The following GGCX variants were observed in gnomAD, a reference collection of about 807,000 sequenced individuals.
The protein encoded by GGCX is vitamin K-dependent gamma-carboxylase.
GGCX carries 63 observed loss-of-function variants against 88.5 expected under a neutral mutation model. That is an observed-to-expected ratio of 0.71 (90% CI 0.58 to 0.88). GGCX has a LOEUF of 0.88. Among genes scored for constraint, GGCX ranks in the 40% least tolerant of loss-of-function variants. The probability of loss-of-function intolerance (pLI) is 0.00; values close to 1 mark genes in which losing one functional copy is unlikely to be tolerated. For missense variants in GGCX, 805 were observed against 932.9 expected (o/e 0.86, Z 1.79); for synonymous variants, 368 against 365.8 (o/e 1.01, Z -0.07).
chr2:85,553,430 C>T lies in GGCX; in HGVS notation c.957G>A (p.Leu319=), dbSNP rs781515706. The change falls in exon 8 of 15, where the codon CTG becomes CTA. Residue 319 remains leucine (L), a synonymous_variant. Coordinates refer to ENST00000233838, the MANE Select transcript of GGCX (RefSeq NM_000821.7). The part of the protein sequence containing the change: ...LFCSPEWPRK[L]VSYCPRRLQQ... ...GCAACCTTCGGGGGCAGTAGGACAC[C>T]AGCTTCCGAGGCCACTCAGGGGAGC... 2 of 1,614,038 alleles carry T rather than the reference C, an allele frequency of 1.2e-6. No homozygotes were observed. The highest frequency in any genetic ancestry group is 1.7e-6 in the Non-Finnish European group (2 of 1,179,978).
At position 85,545,725 on chromosome 2, in the gene GGCX, A is replaced by G. The variant is rs1252935031; in HGVS notation, c.*4209T>C. On this transcript the variant is annotated 3_prime_UTR_variant, in exon 15 of 15. Coordinates refer to ENST00000233838, the MANE Select transcript of GGCX (RefSeq NM_000821.7). ...CCATTGAAGGCATAAAAACCGCTAA[A>G]AGTATTAACCTGGAAGTGGTAATGT... 1.3e-5 allele frequency: 2 copies of G among 152,156 alleles called. No homozygotes were observed. Among genetic ancestry groups the G allele is most frequent in the Non-Finnish European group, 2.9e-5 (2 of 68,038 alleles). The allele number at this position is 152,156 out of a possible 1,614,324, so 9.4% of individuals were successfully genotyped here. A position where few individuals can be genotyped will look rare whatever the true frequency, so the allele number is the denominator to read the frequency against.
In GGCX at chr2:85,553,393, G is replaced by C. The variant is rs750270424; in HGVS notation, c.994C>G (p.Pro332Ala). Reference sequence around the variant, plus strand: ...CTGGGCTGAGGGGCTGCCTTGAGGGGCAACAGTTGTTGCAACCTTCGGGGG... The same window carrying C: ...CTGGGCTGAGGGGCTGCCTTGAGGGCCAACAGTTGTTGCAACCTTCGGGGG... ...YCPRRLQQLL[P>A]LKAAPQPSVS... The change falls in exon 8 of 15, where the codon CCC (proline) becomes GCC (alanine). Residue 332 changes from proline to alanine, a missense_variant. Around this residue, in one of 3 missense-constraint regions of GGCX, gnomAD observed 680 missense variants for 763.7 expected, o/e 0.89. Transcript: ENST00000233838. 82 of 1,614,078 alleles carry C rather than the reference G, an allele frequency of 5.1e-5. No homozygotes were observed. Among genetic ancestry groups the C allele is most frequent in the Non-Finnish European group, 6.7e-5 (79 of 1,180,030 alleles).
At position 85,553,299 on chromosome 2, in the gene GGCX, C is replaced by A; in HGVS notation, c.1088G>T (p.Gly363Val). 6.2e-7 allele frequency: 1 copy of A among 1,614,244 alleles called. No homozygotes were observed. Among genetic ancestry groups the A allele is most frequent in the Non-Finnish European group, 8.5e-7 (1 of 1,180,036 alleles). Reference protein sequence around the residue: ...GQKPGLRHQLGAAFTLLYLLE... With the variant: ...GQKPGLRHQLVAAFTLLYLLE... ...GAGGTAGAGCAGGGTGAAGGCAGCT[C>A]CCAGCTGATGGCGCAGCCCTGGCTT... Residue 363 changes from glycine to valine, a missense_variant, in exon 8 of 15, where the codon GGA (glycine) becomes GTA (valine). Physicochemically the swap from Gly to Val is moderately radical, Grantham distance 109 (BLOSUM62 -3). Around this residue, in one of 3 missense-constraint regions of GGCX, gnomAD observed 680 missense variants for 763.7 expected, o/e 0.89. Coordinates refer to ENST00000233838, the MANE Select transcript of GGCX (RefSeq NM_000821.7).
At chr2:85,560,192 AG>A (rs1000448132) in intron 2 of GGCX, among the ~76,000 whole-genome samples, 5 of 152,140 alleles carry the variant, frequency 3.3e-5, no homozygotes, top group Admixed American at 1.3e-4. Context: ...CACAGCCAAA[AG>A]GTATGGTCCC....
At position 85,550,554 on chromosome 2, in the gene GGCX, C is replaced by A; in HGVS notation, c.2084+1G>T. 1 of 1,610,766 alleles carries A rather than the reference C, an allele frequency of 6.2e-7. No homozygotes were observed. The highest frequency in any genetic ancestry group is 8.5e-7 in the Non-Finnish European group (1 of 1,176,944). ...AATGACAAATATTGTTGTGAACTTA[C>A]CTGCGGCGAAAGACATAGAGCTTTC... is the stretch of plus-strand genomic sequence containing the variant. On this transcript the variant is annotated splice_donor_variant, in intron 14 of 14. Coordinates refer to ENST00000233838, the MANE Select transcript of GGCX (RefSeq NM_000821.7). LOFTEE classifies it high-confidence loss of function.
At chr2:85,555,424 G>T in intron 6 of GGCX, 60 bp downstream of exon 6, 1 of 869,912 alleles carries the variant, frequency 1.1e-6, no homozygotes, top group Non-Finnish European at 2.0e-6. Context: ...TACTGAGAGA[G>T]ATGAGTCACC....
At chr2:85,550,474 C>T in intron 14 of GGCX, 81 bp downstream of exon 14, 1 of 995,304 alleles carries the variant, frequency 1.0e-6, no homozygotes. Flanking sequence ...GTATGACAGT[C>T]TCTAGAGTTA....
Position 85,551,536 on chromosome 2 carries a change from C to T in GGCX, c.1684G>A (p.Val562Met), listed in dbSNP as rs928807484. ...SIQLLQGEVT[V>M]ELVAEQKNQT... ...TTCTTCTGTTCTGCCACAAGCTCCA[C>T]AGTCACTTCCCCCTGCAGCAGCTGG... Residue 562 changes from valine (V) to methionine (M), a missense_variant, in exon 12 of 15, where the codon GTG becomes ATG. By Grantham distance (21) the Val-to-Met change is conservative. Coordinates refer to ENST00000233838, the MANE Select transcript of GGCX (RefSeq NM_000821.7). The T allele has an allele frequency of 1.2e-6, 2 of 1,613,978 alleles. No individual in the cohort carries two copies. The highest frequency in any genetic ancestry group is 1.7e-6 in the Non-Finnish European group (2 of 1,179,858).
rs1195659932 is a variant in GGCX at position 85,546,093 on chromosome 2, AT to A, written c.*3840del. 1 of 152,190 alleles carries A rather than the reference AT, an allele frequency of 6.6e-6. No homozygotes were observed. Among genetic ancestry groups the A allele is most frequent in the East Asian group, 1.9e-4 (1 of 5,200 alleles). 9.4% of individuals were successfully genotyped at this position (152,190 alleles called of 1,614,324 possible). ...ATGTAGAGCCAAGGAGTGCTTGCTT[AT>A]GCCTGTTTGCATGGAGACTTAAAAA... On this transcript the variant is annotated 3_prime_UTR_variant, in exon 15 of 15. Coordinates refer to ENST00000233838, the MANE Select transcript of GGCX (RefSeq NM_000821.7).
At position 85,550,937 on chromosome 2, in the gene GGCX, C is replaced by G; in HGVS notation, c.1876G>C (p.Glu626Gln). The G allele has an allele frequency of 6.2e-7, 1 of 1,614,198 alleles. No homozygotes were observed. Among genetic ancestry groups the G allele is most frequent in the Non-Finnish European group, 8.5e-7 (1 of 1,180,006 alleles). ...TTCATACACTCACCACTTCCATTCT[C>G]CACCTTTTCCTTTAATTCTTGCAGA... is the stretch of plus-strand genomic sequence containing the variant. Reference protein sequence around the residue: ...AYLQELKEKVENGSETGPLPP... With the variant: ...AYLQELKEKVQNGSETGPLPP... Residue 626 changes from glutamate (E) to glutamine (Q), a missense_variant, in exon 13 of 15, where the codon GAG becomes CAG. Transcript: ENST00000233838.
rs1573313338 is a variant in GGCX, at chr2:85,546,847, G to A, written c.*3087C>T. ...GAACAAGTCTGGCAGTTTCATAAGG[G>A]AGTTTTTAGATGCCAATACATTGCA... On this transcript the variant is annotated 3_prime_UTR_variant, in exon 15 of 15. Coordinates refer to ENST00000233838, the MANE Select transcript of GGCX (RefSeq NM_000821.7). 1 of 152,198 alleles carries A rather than the reference G, an allele frequency of 6.6e-6. No homozygotes were observed. The highest frequency in any genetic ancestry group is 2.4e-5 in the African/African-American group (1 of 41,448). 9.4% of individuals were successfully genotyped at this position (152,198 alleles called of 1,614,324 possible). A position where few individuals can be genotyped will look rare whatever the true frequency, so the allele number is the denominator to read the frequency against.
rs1309849861 is a variant in GGCX at position 85,559,030 on chromosome 2, G to A, written c.260C>T (p.Ser87Phe). Residue 87 changes from serine to phenylalanine, a missense_variant, in exon 3 of 15, where the codon TCT becomes TTT. Ser to Phe is a radical substitution (Grantham distance 155). This residue lies in a region of GGCX where 61 missense variants were observed against 111.9 expected (regional missense o/e 0.54). Coordinates refer to ENST00000233838, the MANE Select transcript of GGCX (RefSeq NM_000821.7). ...CCCATCAAGGTATTTCCGGTCCAGA[G>A]AGCTGAGCCCCCGCTCCTGGGGAAT... ...LDIPQERGLS[S>F]LDRKYLDGLD... 6.2e-7 allele frequency: 1 copy of A among 1,613,946 alleles called. No homozygotes were observed. The highest frequency in any genetic ancestry group is 1.3e-5 in the African/African-American group (1 of 74,928).
intron 1 of GGCX, 124 bp downstream of exon 1, chr2:85,561,262 C>G: frequency 3.0e-6 from 2 of 671,472 alleles, no homozygotes; most frequent in South Asian, 1.9e-5. Flanking sequence ...CACAGCACGC[C>G]CCCTTCCCCA....
rs534786770 is a variant in GGCX at position 85,558,657 on chromosome 2, G to A, written c.374-52C>T. ...AGGTCAAGAGATCACCACAGGCCCA[G>A]TTTCCCTGGACCAGGATATGGTTGG... On this transcript the variant is annotated intron_variant, in intron 3 of 14. Transcript: ENST00000233838. The A allele has an allele frequency of 1.9e-5, 26 of 1,401,648 alleles. No individual in the cohort carries two copies. The East Asian group carries it at 5.5e-4, about 29-fold the overall frequency. 86.8% of individuals were successfully genotyped at this position (1,401,648 alleles called of 1,614,324 possible). A position where few individuals can be genotyped will look rare whatever the true frequency, so the allele number is the denominator to read the frequency against.
intron 1 of GGCX, 107 bp downstream of exon 1, chr2:85,561,279 A>ACCCCCCCCCC (rs55829881): frequency 6.9e-6 from 3 of 433,418 alleles, no homozygotes. Flanking sequence ...CCCACAGAGG[A>ACCCCCCCCCC]CCCCCCCCCC....
At chr2:85,561,261 C>T in intron 1 of GGCX, 125 bp downstream of exon 1, 1 of 667,536 alleles carries the variant, frequency 1.5e-6, no homozygotes. Flanking sequence ...TCACAGCACG[C>T]CCCCTTCCCC....
Position 85,553,287 on chromosome 2 carries a change from G to A in GGCX, c.1100C>T (p.Thr367Ile), listed in dbSNP as rs537456337. Residue 367 changes from threonine to isoleucine, a missense_variant, in exon 8 of 15, where the codon ACC (threonine) becomes ATC (isoleucine). Transcript: ENST00000233838. ...GLRHQLGAAF[T>I]LLYLLEQLFL... ...TAGCTGCTCCAGGAGGTAGAGCAGG[G>A]TGAAGGCAGCTCCCAGCTGATGGCG... The A allele has an allele frequency of 6.2e-7, 1 of 1,614,268 alleles. No homozygotes were observed. The highest frequency in any genetic ancestry group is 1.3e-5 in the African/African-American group (1 of 75,078).
Position 85,549,832 on chromosome 2 carries a change from A to G in GGCX, c.*102T>C. ...CTTTAGAACCCCGCCCCCCCAAAAA[A>G]AAAAAAAAAACTTTTGAGAATTTTT... On this transcript the variant is annotated 3_prime_UTR_variant, in exon 15 of 15. Coordinates refer to ENST00000233838, the MANE Select transcript of GGCX (RefSeq NM_000821.7). 1.5e-6 allele frequency: 1 copy of G among 676,700 alleles called. No individual in the cohort carries two copies. Among genetic ancestry groups the G allele is most frequent in the South Asian group, 1.6e-5 (1 of 64,420 alleles). 41.9% of individuals were successfully genotyped at this position (676,700 alleles called of 1,614,324 possible).
At position 85,552,497 on chromosome 2, in the gene GGCX, C is replaced by T. The variant is rs1692005260; in HGVS notation, c.1358G>A (p.Arg453His). The T allele has an allele frequency of 3.7e-6, 6 of 1,613,438 alleles. No homozygotes were observed. The highest frequency in any genetic ancestry group is 2.7e-5 in the African/African-American group (2 of 74,894). Reference sequence around the variant, plus strand: ...AGTGACATTATACTTGGGAAGCAGGCGGCTCAGGCAAGTGGCATATTGCTT... The same window carrying T: ...AGTGACATTATACTTGGGAAGCAGGTGGCTCAGGCAAGTGGCATATTGCTT... ...MLKQYATCLSRLLPKYNVTEP... is the reference protein window; with the variant it reads ...MLKQYATCLSHLLPKYNVTEP... Residue 453 changes from arginine to histidine, a missense_variant, in exon 10 of 15, where the codon CGC becomes CAC. This residue lies in a region of GGCX where 680 missense variants were observed against 763.7 expected (regional missense o/e 0.89). Coordinates refer to ENST00000233838, the MANE Select transcript of GGCX (RefSeq NM_000821.7).
Sources: gnomAD v4.1 joint callset for allele counts (sites outside exome capture counted in the v4.1 genomes callset) on GRCh38, gnomAD v4.1.1 for gene constraint, gnomAD v4.1.1 regional missense constraint, MANE v1.5 for transcripts, NCBI Gene and HGNC (gene_info 2026-07-23, HGNC 2026-07-21) for gene names.